The following OCA2 variants were observed in gnomAD, a reference collection of about 807,000 sequenced individuals.
The protein encoded by OCA2 is OCA2 melanosomal transmembrane protein, also known as P protein.
A neutral mutation model predicts 100.2 loss-of-function variants in OCA2; 77 were observed. The ratio of observed to expected loss-of-function variants is 0.77; its 90% CI spans 0.64 to 0.93. The LOEUF is 0.93. Ranked by LOEUF, OCA2 falls within the 40% of genes least tolerant of loss-of-function variation. The pLI, the probability that OCA2 is intolerant of heterozygous loss-of-function variation, is 0.00. For missense variants in OCA2, 1,062 were observed against 1,089.1 expected (o/e 0.98, Z 0.35); for synonymous variants, 432 against 439.2 (o/e 0.98, Z 0.21).
chr15:27,900,451 T>G (rs2037884209), intron 19 of OCA2, among the ~76,000 whole-genome samples: 1 of 152,220 alleles, frequency 6.6e-6, no homozygotes, highest in Non-Finnish European at 1.5e-5. Context: ...TTTCTCTCTC[T>G]CTCAGGGTGT....
chr15:28,046,617 C>T (rs2043355470), intron 2 of OCA2, among the ~76,000 whole-genome samples: 1 of 152,168 alleles, frequency 6.6e-6, no homozygotes, highest in Admixed American at 6.5e-5. Flanking sequence ...AGGTCATATC[C>T]CAGGGCAGAG....
rs372574468 is a variant in OCA2, at chr15:28,016,053, C to T, written c.890+51G>A. ...GTCCTATAGGTCAGACTCCTTTAAACGCACGTGTCCCAGAGAGCCTGCCCC... is the reference window on the plus strand; with the variant it reads ...GTCCTATAGGTCAGACTCCTTTAAATGCACGTGTCCCAGAGAGCCTGCCCC... On this transcript the variant is annotated intron_variant, in intron 8 of 23. Coordinates refer to ENST00000354638, the MANE Select transcript of OCA2 (RefSeq NM_000275.3). The T allele has an allele frequency of 1.6e-5, 23 of 1,451,492 alleles. No individual in the cohort carries two copies. In the African/African-American group the frequency reaches 2.8e-4, roughly 18 times the overall value. 89.9% of individuals were successfully genotyped at this position (1,451,492 alleles called of 1,614,324 possible). A position where few individuals can be genotyped will look rare whatever the true frequency, so the allele number is the denominator to read the frequency against.
chr15:27,815,996 T>C (rs1033084732), intron 23 of OCA2, among the ~76,000 whole-genome samples: 4 of 152,056 alleles, frequency 2.6e-5, no homozygotes, highest in South Asian at 4.1e-4. Context: ...TAGCCAGGCA[T>C]GGTGGTGGGT....
intron 1 of OCA2, among the ~76,000 whole-genome samples, chr15:28,082,297 C>T (rs557143701): frequency 6.6e-5 from 10 of 152,348 alleles, no homozygotes; most frequent in Admixed American, 4.6e-4. Flanking sequence ...GCTACCCCAA[C>T]ACGCTGGACT....
chr15:27,768,916 T>G (rs1450430577), intron 23 of OCA2, among the ~76,000 whole-genome samples: 1 of 152,206 alleles, frequency 6.6e-6, no homozygotes, highest in Non-Finnish European at 1.5e-5. Flanking sequence ...GCAGCTTGAT[T>G]GGAGCTTCAA....
intron 14 of OCA2, among the ~76,000 whole-genome samples, chr15:27,970,047 G>A (rs977579586): frequency 6.6e-5 from 10 of 152,052 alleles, no homozygotes; most frequent in South Asian, 4.1e-4. Context: ...AATGCGTGTG[G>A]GCCAGACGGG....
intron 23 of OCA2, among the ~76,000 whole-genome samples, chr15:27,772,592 C>T (rs916827856): frequency 6.6e-6 from 1 of 151,966 alleles, no homozygotes; most frequent in African/African-American, 2.4e-5. Flanking sequence ...CCTGTAATCC[C>T]AGCACTTTGG....
chr15:27,976,310 G>C (rs1004002331), intron 14 of OCA2, among the ~76,000 whole-genome samples: 1 of 152,170 alleles, frequency 6.6e-6, no homozygotes, highest in Admixed American at 6.5e-5. Flanking sequence ...TAAAAATAGT[G>C]AGAACAGATA....
intron 18 of OCA2, among the ~76,000 whole-genome samples, chr15:27,935,776 G>A (rs1288200993): frequency 6.6e-6 from 1 of 152,198 alleles, no homozygotes; most frequent in East Asian, 1.9e-4. Context: ...AATATACTGA[G>A]AAATGTAACT....
chr15:27,850,512 C>A (rs1229928922), intron 22 of OCA2, among the ~76,000 whole-genome samples: 1 of 152,036 alleles, frequency 6.6e-6, no homozygotes, highest in Non-Finnish European at 1.5e-5. Context: ...AATTTCAGCA[C>A]TCAATTTCAA....
At chr15:27,737,439 T>G in the OCA2 span, among the ~76,000 whole-genome samples, 1 of 152,222 alleles carries the variant, frequency 6.6e-6, no homozygotes, top group Non-Finnish European at 1.5e-5. Context: ...ACAGGGAGTG[T>G]CGGTTTGAGG....
At chr15:27,941,541 A>ACTGGC (rs1555436863) in intron 18 of OCA2, among the ~76,000 whole-genome samples, 2 of 151,820 alleles carry the variant, frequency 1.3e-5, no homozygotes, top group East Asian at 2.0e-4. Flanking sequence ...AATGGAGGAT[A>ACTGGC]TTGGCTGCAT....
chr15:27,720,099 A>G, the OCA2 span, among the ~76,000 whole-genome samples: 1 of 152,342 alleles, frequency 6.6e-6, no homozygotes, highest in South Asian at 2.1e-4. Flanking sequence ...TATTGCCACA[A>G]TGAAGATTAG....
chr15:27,866,695 G>T (rs866018177), intron 21 of OCA2, among the ~76,000 whole-genome samples: 5 of 152,210 alleles, frequency 3.3e-5, no homozygotes, highest in African/African-American at 4.8e-5. Context: ...GACCCAGAGG[G>T]CAAGCGAGGC....
At chr15:27,807,694 G>A (rs764846896) in intron 23 of OCA2, among the ~76,000 whole-genome samples, 2 of 152,094 alleles carry the variant, frequency 1.3e-5, no homozygotes, top group Non-Finnish European at 2.9e-5. Flanking sequence ...GAAGAAAATG[G>A]ACTTTAAAAA....
chr15:27,892,524 T>A (rs1033800979), intron 19 of OCA2, among the ~76,000 whole-genome samples: 1 of 126,444 alleles, frequency 7.9e-6, no homozygotes, highest in Non-Finnish European at 1.6e-5. Flanking sequence ...TTAATGAAAA[T>A]GCAACACATA....
chr15:27,983,961 A>T (rs1008988160), intron 13 of OCA2, among the ~76,000 whole-genome samples: 1 of 148,630 alleles, frequency 6.7e-6, no homozygotes, highest in African/African-American at 2.5e-5. Context: ...TTTTCTATGT[A>T]TTTACTTTGT....
Position 27,888,466 on chromosome 15 carries a change from C to A in OCA2, c.2080-16544G>T, listed in dbSNP as rs192135197. Among the ~76,000 whole-genome samples the A allele has an allele frequency of 2.3e-4, 35 of 152,224 alleles. No homozygotes were observed. In the South Asian group the frequency reaches 2.9e-3, roughly 13 times the overall value. Reference sequence around the variant, plus strand: ...GGAAAGGACAAACACCTGATGCCAACACTGAGATATATCGGATGCTGGATT... The same window carrying A: ...GGAAAGGACAAACACCTGATGCCAAAACTGAGATATATCGGATGCTGGATT... On this transcript the variant is annotated intron_variant, in intron 19 of 23. Transcript: ENST00000354638.
chr15:28,058,040 C>T (rs2043757853), intron 2 of OCA2, among the ~76,000 whole-genome samples: 2 of 152,138 alleles, frequency 1.3e-5, no homozygotes, highest in African/African-American at 4.8e-5. Flanking sequence ...AGCAGGTCAC[C>T]CTGGCCCACC....
Sources: allele counts gnomAD v4.1 joint callset (sites outside exome capture counted in the v4.1 genomes callset), GRCh38; gene constraint gnomAD v4.1.1; transcripts MANE v1.5; gene names NCBI Gene and HGNC (gene_info 2026-07-23, HGNC 2026-07-21).